Variants in SAMD4B observed in about 807,000 individuals in gnomAD.
SAMD4B encodes protein Smaug homolog 2.
Under a neutral mutation model 74.5 loss-of-function variants are expected in SAMD4B, and 5 were observed. That is an observed-to-expected ratio of 0.07 (90% confidence interval 0.04 to 0.14). The LOEUF (loss-of-function observed/expected upper bound fraction) is 0.14, where lower values mean the gene tolerates loss of function less well. Ranked by LOEUF, SAMD4B falls within the 10% of genes least tolerant of loss-of-function variation. The pLI is 1.00. For missense variants in SAMD4B, 608 were observed against 921.8 expected, an observed-to-expected ratio of 0.66 and a Z score of 4.41; for synonymous variants, 373 against 374.9, an observed-to-expected ratio of 1.00 and a Z score of 0.06.
At chr19:39,367,022 ACT>A (rs1478239055) in intron 3 of SAMD4B, among the ~76,000 whole-genome samples, 1 of 152,134 alleles carries the variant, frequency 6.6e-6, no homozygotes, top group Non-Finnish European at 1.5e-5. Context: ...CTGAGGACTT[ACT>A]CTATGCTGTG....
chr19:39,386,815 T>G (rs1466629972), downstream of SAMD4B: 2 of 1,577,570 alleles, frequency 1.3e-6, no homozygotes, highest in Non-Finnish European at 1.7e-6. The surrounding 1 kb of genome is among the most constrained non-coding windows in gnomAD (Gnocchi z 6.1). Flanking sequence ...GGGGGTGAAT[T>G]TGGGAGAGAG....
chr19:39,365,093 T>A (rs1480707543), intron 3 of SAMD4B, among the ~76,000 whole-genome samples: 3 of 148,270 alleles, frequency 2.0e-5, no homozygotes, highest in Non-Finnish European at 3.0e-5. Flanking sequence ...CAAAAAAAAA[T>A]AAATTAGCCG....
chr19:39,346,927 A>G (rs56388054), intron 1 of SAMD4B, among the ~76,000 whole-genome samples: 1 of 152,192 alleles, frequency 6.6e-6, no homozygotes, highest in Admixed American at 6.5e-5. Context: ...AAGTTAATAC[A>G]TGTAAAGTAC....
intron 7 of SAMD4B, among the ~76,000 whole-genome samples, chr19:39,377,172 C>T (rs1204404307): frequency 6.6e-6 from 1 of 152,124 alleles, no homozygotes; most frequent in African/African-American, 2.4e-5. Context: ...GTTTCCTTGC[C>T]ACTGCCTTCT....
chr19:39,345,427 T>C (rs1303740084), intron 1 of SAMD4B, among the ~76,000 whole-genome samples: 1 of 152,192 alleles, frequency 6.6e-6, no homozygotes, highest in African/African-American at 2.4e-5. Flanking sequence ...TGGCTACCCC[T>C]CCAGCCCACT....
At chr19:39,363,808 CCA>C (rs1237635031) in intron 3 of SAMD4B, among the ~76,000 whole-genome samples, 1 of 152,202 alleles carries the variant, frequency 6.6e-6, no homozygotes, top group Non-Finnish European at 1.5e-5. Context: ...ACAGAGTACA[CCA>C]CTACCTTCCA....
At chr19:39,371,791 A>T (rs1194900404) in intron 4 of SAMD4B, among the ~76,000 whole-genome samples, 1 of 150,932 alleles carries the variant, frequency 6.6e-6, no homozygotes, top group East Asian at 1.9e-4. Flanking sequence ...CATTCCAGCC[A>T]GGGCAACAGA....
chr19:39,345,109 C>T lies in SAMD4B; in HGVS notation c.-267+2533C>T, dbSNP rs1420560059. On this transcript the variant is annotated intron_variant, in intron 1 of 13. Transcript: ENST00000610417. ...GGGCCCAGCAATCAAGAGTTTTTAA[C>T]AAACCCTCCTGGTCATTTTGATGCA... is the stretch of plus-strand genomic sequence containing the variant. Among the ~76,000 whole-genome samples, 5 of 152,292 alleles carry T rather than the reference C, an allele frequency of 3.3e-5. No individual in the cohort carries two copies. The East Asian group carries it at 9.6e-4, about 29-fold the overall frequency.
downstream of SAMD4B, chr19:39,386,484 G>A (rs1438596562): frequency 2.5e-6 from 4 of 1,614,074 alleles, no homozygotes; most frequent in Admixed American, 1.7e-5. This position sits in a 1 kb window ranked among gnomAD's most constrained non-coding sequence, Gnocchi z 6.1. Flanking sequence ...AGATTTACCT[G>A]AGCCCCCAGC....
intron 1 of SAMD4B, among the ~76,000 whole-genome samples, chr19:39,343,202 A>G: frequency 6.7e-6 from 1 of 149,368 alleles, no homozygotes; most frequent in South Asian, 2.1e-4. Flanking sequence ...CCTGCCTCTC[A>G]CAGCCCAACA....
chr19:39,349,408 G>A (rs1428188107), intron 1 of SAMD4B, among the ~76,000 whole-genome samples: 1 of 152,154 alleles, frequency 6.6e-6, no homozygotes, highest in African/African-American at 2.4e-5. Flanking sequence ...CTATTCCAGA[G>A]TTTACCGGAG....
intron 2 of SAMD4B, 54 bp downstream of exon 2, chr19:39,354,120 G>C (rs182842590): frequency 1.1e-4 from 17 of 152,280 alleles, no homozygotes; most frequent in African/African-American, 3.9e-4. Flanking sequence ...CTACATTCTA[G>C]AGAAGAGAAC....
At chr19:39,389,261 C>T, downstream of SAMD4B, 1 of 1,611,338 alleles carries the variant, frequency 6.2e-7, no homozygotes, top group South Asian at 1.1e-5. The surrounding 1 kb of genome is among the most constrained non-coding windows in gnomAD (Gnocchi z 5.3). Flanking sequence ...CACCTTCCCT[C>T]TCTTCCTGTT....
intron 1 of SAMD4B, among the ~76,000 whole-genome samples, chr19:39,346,648 A>G (rs1485126407): frequency 1.3e-5 from 2 of 152,182 alleles, no homozygotes; most frequent in Non-Finnish European, 2.9e-5. Flanking sequence ...AGGTAGGACT[A>G]ATAGAGGGTC....
In SAMD4B at chr19:39,379,000, T is replaced by A. The variant is rs1182248104; in HGVS notation, c.1530+411T>A. Among the ~76,000 whole-genome samples, 1 of 152,146 alleles carries A rather than the reference T, an allele frequency of 6.6e-6. No individual in the cohort carries two copies. Among genetic ancestry groups the A allele is most frequent in the African/African-American group, 2.4e-5 (1 of 41,418 alleles). On this transcript the variant is annotated intron_variant, in intron 9 of 13. Transcript: ENST00000610417. The surrounding 1 kb of genome is among the most constrained non-coding windows in gnomAD (Gnocchi z 4.4). ...CTTCCAGTCTTGTATCTTACCAGTG[T>A]TGGCTTTAGAGGCTTCTTCTCAGAA...
chr19:39,390,693 C>T (rs1249575757), downstream of SAMD4B: 3 of 1,022,318 alleles, frequency 2.9e-6, no homozygotes, highest in Admixed American at 2.2e-5. Flanking sequence ...AGAAGGAACC[C>T]GCCCCCTTCG....
chr19:39,357,787 G>A (rs541711769), intron 3 of SAMD4B, among the ~76,000 whole-genome samples: 1 of 152,304 alleles, frequency 6.6e-6, no homozygotes, highest in South Asian at 2.1e-4. Context: ...ACAGATGGGA[G>A]AGATGGAGGC....
chr19:39,376,921 C>T, intron 7 of SAMD4B, 130 bp downstream of exon 7: 1 of 681,710 alleles, frequency 1.5e-6, no homozygotes, highest in East Asian at 2.7e-5. Flanking sequence ...GGGACCCAGA[C>T]TTCAGGGACC....
intron 3 of SAMD4B, 199 bp from the exon 4 acceptor site, chr19:39,369,456 A>C: frequency 3.4e-6 from 2 of 592,482 alleles, no homozygotes; most frequent in Non-Finnish European, 3.0e-6. Context: ...TCTTAAAAAA[A>C]ATAAGACAAA....
Sources: allele counts gnomAD v4.1 joint callset (sites outside exome capture counted in the v4.1 genomes callset), GRCh38; gene constraint gnomAD v4.1.1; non-coding constraint Gnocchi (gnomAD v3.1); transcripts MANE v1.5; gene names NCBI Gene and HGNC (gene_info 2026-07-23, HGNC 2026-07-21).